The following PCSK1 variants were observed in gnomAD, a reference collection of about 807,000 sequenced individuals.
PCSK1 encodes proprotein convertase subtilisin/kexin type 1, also known as neuroendocrine convertase 1.
A neutral mutation model predicts 90.6 loss-of-function variants in PCSK1; 56 were observed. The observed-to-expected ratio is 0.62, with a 90% confidence interval of 0.50 to 0.77. The LOEUF (loss-of-function observed/expected upper bound fraction) is 0.77. Among genes scored for constraint, PCSK1 ranks in the 30% least tolerant of loss-of-function variants. The pLI is 0.00. For synonymous variants in PCSK1, 348 were observed against 342.4 expected (o/e 1.02, Z -0.18); for missense variants, 801 against 932.6 (o/e 0.86, Z 1.84).
chr5:96,423,824 C>G (rs1021684644), intron 3 of PCSK1, among the ~76,000 whole-genome samples: 2 of 152,194 alleles, frequency 1.3e-5, no homozygotes, highest in Admixed American at 6.5e-5. Context: ...TTCATCTCCC[C>G]CCAAATCCTG....
intron 1 of PCSK1, among the ~76,000 whole-genome samples, chr5:96,430,004 A>C (rs2112451353): frequency 6.6e-6 from 1 of 152,358 alleles, no homozygotes; most frequent in Middle Eastern, 3.4e-3. Flanking sequence ...CTGGGATACT[A>C]TCTATGGTCA....
intron 9 of PCSK1, among the ~76,000 whole-genome samples, chr5:96,406,530 C>T (rs1160660782): frequency 6.6e-6 from 1 of 152,154 alleles, no homozygotes; most frequent in Non-Finnish European, 1.5e-5. Context: ...TGCTAGACTT[C>T]CTTGCTTAGC....
chr5:96,401,250 G>A (rs867586194), intron 9 of PCSK1, among the ~76,000 whole-genome samples: 1 of 152,182 alleles, frequency 6.6e-6, no homozygotes, highest in Admixed American at 6.5e-5. Context: ...AAAACTTTGT[G>A]GGGGAGAAAT....
Position 96,393,205 on chromosome 5 carries a change from C to T in PCSK1, c.2058G>A (p.Lys686=). The T allele has an allele frequency of 6.2e-7, 1 of 1,614,090 alleles. No homozygotes were observed. The highest frequency in any genetic ancestry group is 8.5e-7 in the Non-Finnish European group (1 of 1,180,002). Residue 686 remains lysine, a synonymous_variant, in exon 14 of 14, where the codon AAG becomes AAA. Coordinates refer to ENST00000311106, the MANE Select transcript of PCSK1 (RefSeq NM_000439.5). ...SKNSPPKQSP[K]KSPSAKLNIP... ...TGTTGAGCTTTGCACTTGGGGACTT[C>T]TTTGGTGATTGCTTTGGCGGTGAGT...
rs775015522 is a variant in PCSK1, at chr5:96,416,095, A to G, written c.647T>C (p.Ile216Thr). 1 of 1,612,536 alleles carries G rather than the reference A, an allele frequency of 6.2e-7. No homozygotes were observed. Among genetic ancestry groups the G allele is most frequent in the Non-Finnish European group, 8.5e-7 (1 of 1,178,546 alleles). The stretch of plus-strand genomic sequence containing the variant: ...TTTGTGATTATTTGCTTGCATGGCA[A>G]TTTCTCCTGCACATCTGGTCCCGTG... ...NKHGTRCAGE[I>T]AMQANNHKCG... Residue 216 changes from isoleucine (I) to threonine (T), a missense_variant, in exon 6 of 14, where the codon ATT (isoleucine) becomes ACT (threonine). Physicochemically the swap from Ile to Thr is moderately conservative, Grantham distance 89. Coordinates refer to ENST00000311106, the MANE Select transcript of PCSK1 (RefSeq NM_000439.5).
chr5:96,429,113 A>T (rs192074618), intron 2 of PCSK1, 100 bp downstream of exon 2: 1 of 722,276 alleles, frequency 1.4e-6, no homozygotes, highest in Non-Finnish European at 2.4e-6. Context: ...TCACAATAAA[A>T]AAAAAACCAC....
At chr5:96,426,035 G>T in intron 2 of PCSK1, 105 bp from the exon 3 acceptor site, 1 of 724,348 alleles carries the variant, frequency 1.4e-6, no homozygotes, top group Non-Finnish European at 2.5e-6. Flanking sequence ...AGGCAGCTCT[G>T]CAATATTTTC....
chr5:96,412,184 G>T, intron 7 of PCSK1, 134 bp downstream of exon 7: 2 of 835,206 alleles, frequency 2.4e-6, no homozygotes, highest in South Asian at 1.5e-5. Flanking sequence ...CCCTCTAAGT[G>T]CATTTAAAAT....
chr5:96,395,182 A>C (rs1428243601), intron 12 of PCSK1, among the ~76,000 whole-genome samples, 157 bp from the exon 13 acceptor site: 1 of 152,260 alleles, frequency 6.6e-6, no homozygotes, highest in East Asian at 1.9e-4. Context: ...TGCTATAAAA[A>C]TTGACAATTT....
At chr5:96,396,167 T>C (rs767137939) in intron 12 of PCSK1, among the ~76,000 whole-genome samples, 9 of 152,206 alleles carry the variant, frequency 5.9e-5, no homozygotes, top group Non-Finnish European at 1.3e-4. Flanking sequence ...TAGCAGTCTT[T>C]AGGAGAAAGC....
At chr5:96,402,864 G>T (rs756346118) in intron 9 of PCSK1, among the ~76,000 whole-genome samples, 11 of 152,160 alleles carry the variant, frequency 7.2e-5, no homozygotes, top group Admixed American at 4.6e-4. Context: ...GGGATCCTCA[G>T]TGAGTCCCAG....
At chr5:96,396,064 C>G (rs1760129615) in intron 12 of PCSK1, among the ~76,000 whole-genome samples, 1 of 152,024 alleles carries the variant, frequency 6.6e-6, no homozygotes, top group South Asian at 2.1e-4. Context: ...GAATAGAGGC[C>G]AAATTCAAGA....
chr5:96,406,156 A>G (rs968557838), intron 9 of PCSK1, among the ~76,000 whole-genome samples: 9 of 152,180 alleles, frequency 5.9e-5, no homozygotes, highest in African/African-American at 2.2e-4. Context: ...AGTTTGTAAA[A>G]AAAGGTCTCG....
At chr5:96,400,856 GGC>G (rs1561364695) in intron 9 of PCSK1, among the ~76,000 whole-genome samples, 3 of 150,850 alleles carry the variant, frequency 2.0e-5, no homozygotes, top group African/African-American at 7.3e-5. Flanking sequence ...GGGAGGCCGA[GGC>G]GGGCGGATCA....
Position 96,429,313 on chromosome 5 carries a change from C to A in PCSK1, c.185G>T (p.Gly62Val). 2 of 1,526,516 alleles carry A rather than the reference C, an allele frequency of 1.3e-6. No homozygotes were observed. The highest frequency in any genetic ancestry group is 1.8e-6 in the Non-Finnish European group (2 of 1,100,472). The allele number at this position is 1,526,516 out of a possible 1,614,324, so 94.6% of individuals were successfully genotyped here. A position where few individuals can be genotyped will look rare whatever the true frequency, so the allele number is the denominator to read the frequency against. Residue 62 changes from glycine to valine, a missense_variant, in exon 2 of 14, where the codon GGT (glycine) becomes GTT (valine). Transcript: ENST00000311106. ...ELGYDLLGQI[G>V]SLENHYLFKH... Reference sequence around the variant, plus strand: ...GAATAAGTAGTGATTTTCAAGTGAACCAATCTATAAAAGGAAAGAAATAAA... The same window carrying A: ...GAATAAGTAGTGATTTTCAAGTGAAACAATCTATAAAAGGAAAGAAATAAA...
chr5:96,398,362 C>G (rs1305121447), intron 11 of PCSK1, among the ~76,000 whole-genome samples: 1 of 152,204 alleles, frequency 6.6e-6, no homozygotes, highest in Non-Finnish European at 1.5e-5. Flanking sequence ...TTCCCATCCA[C>G]TATCTTATCT....
intron 2 of PCSK1, among the ~76,000 whole-genome samples, chr5:96,426,902 T>TA (rs1271522061): frequency 1.3e-5 from 2 of 152,186 alleles, no homozygotes; most frequent in Admixed American, 6.5e-5. Flanking sequence ...GCAAACCTAT[T>TA]AAAAATAATG....
intron 8 of PCSK1, among the ~76,000 whole-genome samples, chr5:96,409,901 C>T (rs1010284014): frequency 1.3e-5 from 2 of 152,144 alleles, no homozygotes; most frequent in East Asian, 1.9e-4. Context: ...AGAAGATGTT[C>T]GTGTTGACAA....
intron 9 of PCSK1, among the ~76,000 whole-genome samples, chr5:96,400,813 C>A (rs1364742784): frequency 1.3e-5 from 2 of 151,852 alleles, no homozygotes; most frequent in African/African-American, 4.9e-5. Context: ...CCAGGCTGGG[C>A]GCGGTGGCTC....
Sources: allele counts gnomAD v4.1 joint callset (sites outside exome capture counted in the v4.1 genomes callset), GRCh38; gene constraint gnomAD v4.1.1; transcripts MANE v1.5; gene names NCBI Gene and HGNC (gene_info 2026-07-23, HGNC 2026-07-21).